Variants in CAMTA1 observed in about 807,000 individuals in gnomAD.
The protein encoded by CAMTA1 is calmodulin-binding transcription activator 1.
CAMTA1 carries 27 observed loss-of-function variants against 170.9 expected under a neutral mutation model. The ratio of observed to expected loss-of-function variants is 0.16; its 90% CI spans 0.12 to 0.22. The LOEUF (loss-of-function observed/expected upper bound fraction) is 0.22. Among genes scored for constraint, CAMTA1 ranks in the 10% least tolerant of loss-of-function variants. CAMTA1 has a pLI of 1.00. For missense variants in CAMTA1, 1,619 were observed against 2,217.2 expected (o/e 0.73, Z 5.42); for synonymous variants, 833 against 891.5 (o/e 0.93, Z 1.17).
intron 3 of CAMTA1, among the ~76,000 whole-genome samples, chr1:6,998,548 C>T (rs1022684415): frequency 2.0e-5 from 3 of 152,214 alleles, no homozygotes; most frequent in Non-Finnish European, 4.4e-5. Flanking sequence ...CCCAGGGAGA[C>T]CTGCCCTCAA....
At chr1:7,581,928 G>GT (rs1227093600) in intron 6 of CAMTA1, among the ~76,000 whole-genome samples, 1 of 152,198 alleles carries the variant, frequency 6.6e-6, no homozygotes, top group African/African-American at 2.4e-5. Flanking sequence ...CTGTTGTAGG[G>GT]TTTACACAAA....
In CAMTA1 at chr1:7,014,929, C is replaced by T. The variant is rs1453065445; in HGVS notation, c.235-76375C>T. Among the ~76,000 whole-genome samples the T allele has an allele frequency of 2.0e-5, 3 of 152,168 alleles. No homozygotes were observed. The highest frequency in any genetic ancestry group is 4.4e-5 in the Non-Finnish European group (3 of 68,030). On this transcript the variant is annotated intron_variant, in intron 3 of 22. Transcript: ENST00000303635. The surrounding 1 kb of genome is among the most constrained non-coding windows in gnomAD (Gnocchi z 4.2). Reference sequence around the variant, plus strand: ...TTTTTTGGAGGAAGAGCTTCTTTCACATTCCCTGACTCAAAAACCACAAGC... The same window carrying T: ...TTTTTTGGAGGAAGAGCTTCTTTCATATTCCCTGACTCAAAAACCACAAGC...
At chr1:6,844,508 CAAAAAAA>C (rs34365054) in intron 3 of CAMTA1, among the ~76,000 whole-genome samples, 7 of 96,542 alleles carry the variant, frequency 7.3e-5, no homozygotes, top group South Asian at 3.4e-4. Context: ...CATTGCATTA[CAAAAAAA>C]AAAAAAAAAA....
intron 4 of CAMTA1, among the ~76,000 whole-genome samples, chr1:7,135,464 C>A (rs960961876): frequency 5.9e-5 from 9 of 152,114 alleles, no homozygotes; most frequent in South Asian, 2.1e-4. Flanking sequence ...AACAATTATA[C>A]ACTGCTGGTA....
intron 6 of CAMTA1, among the ~76,000 whole-genome samples, chr1:7,536,922 G>A (rs139327250): frequency 3.7e-4 from 56 of 152,114 alleles, no homozygotes; most frequent in African/African-American, 1.3e-3. Context: ...TTGATCTCTC[G>A]TCCCCCTCCC....
chr1:7,543,503 T>C (rs140897264), intron 6 of CAMTA1, among the ~76,000 whole-genome samples: 308 of 152,324 alleles, frequency 2.0e-3, no homozygotes, highest in African/African-American at 7.2e-3. Flanking sequence ...CTCATTCTAT[T>C]TTTAGCATTC....
chr1:7,070,334 C>T (rs1190684379), intron 3 of CAMTA1, among the ~76,000 whole-genome samples: 1 of 152,228 alleles, frequency 6.6e-6, no homozygotes, highest in Non-Finnish European at 1.5e-5. Flanking sequence ...TATGCAGCAG[C>T]CACATCTGGG....
At position 7,640,570 on chromosome 1, in the gene CAMTA1, G is replaced by A. The variant is rs776836242; in HGVS notation, c.664+17G>A. 6 of 1,613,808 alleles carry A rather than the reference G, an allele frequency of 3.7e-6. No homozygotes were observed. Among genetic ancestry groups the A allele is most frequent in the Admixed American group, 1.7e-5 (1 of 60,002 alleles). On this transcript the variant is annotated intron_variant, in intron 7 of 22. Coordinates refer to ENST00000303635, the MANE Select transcript of CAMTA1 (RefSeq NM_015215.4). ...AACCCATGTGTGAGTGGCCTTGGCC[G>A]GCCTGGCGCCCCCACGCTGGGAACC...
At chr1:7,548,671 G>A (rs1575963731) in intron 6 of CAMTA1, among the ~76,000 whole-genome samples, 24 of 134,184 alleles carry the variant, frequency 1.8e-4, no homozygotes, top group Admixed American at 2.2e-4. Context: ...TAGGGGTGGA[G>A]ATGCCCATGG....
At chr1:7,005,444 G>A (rs1167617253) in intron 3 of CAMTA1, among the ~76,000 whole-genome samples, 1 of 152,150 alleles carries the variant, frequency 6.6e-6, no homozygotes, top group Non-Finnish European at 1.5e-5. Context: ...TTCTCCCCCT[G>A]CCTTTCCCTC....
At chr1:7,328,629 T>C (rs2082839305) in intron 5 of CAMTA1, among the ~76,000 whole-genome samples, 1 of 152,264 alleles carries the variant, frequency 6.6e-6, no homozygotes, top group Non-Finnish European at 1.5e-5. Context: ...CTCTATTTTA[T>C]ATGTTTCAAC....
chr1:7,020,109 A>G (rs1701134734), intron 3 of CAMTA1, among the ~76,000 whole-genome samples: 1 of 152,202 alleles, frequency 6.6e-6, no homozygotes, highest in African/African-American at 2.4e-5. Flanking sequence ...CTGCAGAAGA[A>G]CTTTCCATCT....
At position 7,309,461 on chromosome 1, in the gene CAMTA1, G is replaced by C. The variant is rs376330191; in HGVS notation, c.438+59835G>C. On this transcript the variant is annotated intron_variant, in intron 5 of 22. Transcript: ENST00000303635. ...ACTACAGGCGCCCGCCACTACGCCC[G>C]GCTAATTTTTTGTATTTTTAGTAGA... Among the ~76,000 whole-genome samples the C allele has an allele frequency of 2.6e-4, 40 of 151,402 alleles. 1 individual carries two copies. Among genetic ancestry groups the C allele is most frequent in the East Asian group, 1.6e-3 (8 of 5,132 alleles).
intron 4 of CAMTA1, among the ~76,000 whole-genome samples, chr1:7,108,417 G>A (rs961538187): frequency 7.9e-5 from 12 of 152,124 alleles, no homozygotes; most frequent in African/African-American, 2.2e-4. Flanking sequence ...GTTCCAAACC[G>A]CAGACCCAGA....
Position 6,820,215 on chromosome 1 carries a change from C to T in CAMTA1, c.80C>T (p.Thr27Ile). The T allele has an allele frequency of 6.2e-7, 1 of 1,612,734 alleles. No individual in the cohort carries two copies. Among genetic ancestry groups the T allele is most frequent in the Non-Finnish European group, 8.5e-7 (1 of 1,178,748 alleles). ...VSQSVFCGTS[T>I]YCVLNTVPPI... ...CAAAGTGTATTCTGCGGAACTAGCA[C>T]CTACTGTGTTCTCAACACCGTGCCA... Residue 27 changes from threonine (T) to isoleucine (I), a missense_variant, in exon 2 of 23, where the codon ACC becomes ATC. Thr to Ile is a moderately conservative substitution (Grantham distance 89). Around this residue, in one of 8 missense-constraint regions of CAMTA1, gnomAD observed 61 missense variants for 57.7 expected, o/e 1.06. Coordinates refer to ENST00000303635, the MANE Select transcript of CAMTA1 (RefSeq NM_015215.4).
At chr1:7,317,719 A>C (rs1677738179) in intron 5 of CAMTA1, among the ~76,000 whole-genome samples, 1 of 152,202 alleles carries the variant, frequency 6.6e-6, no homozygotes, top group Non-Finnish European at 1.5e-5. Flanking sequence ...GTCGGTGACC[A>C]GTCAACTGGC....
At chr1:7,292,758 C>T (rs555694343) in intron 5 of CAMTA1, among the ~76,000 whole-genome samples, 1 of 152,310 alleles carries the variant, frequency 6.6e-6, no homozygotes, top group South Asian at 2.1e-4. Context: ...TCTGCACCCA[C>T]GGACCACTCA....
chr1:7,323,841 C>A (rs1678869936), intron 5 of CAMTA1, among the ~76,000 whole-genome samples: 1 of 152,122 alleles, frequency 6.6e-6, no homozygotes, highest in Non-Finnish European at 1.5e-5. Flanking sequence ...GAAGGAAGGA[C>A]ACATTTATTA....
At chr1:7,303,610 A>G (rs931706258) in intron 5 of CAMTA1, among the ~76,000 whole-genome samples, 5 of 152,226 alleles carry the variant, frequency 3.3e-5, no homozygotes, top group Admixed American at 3.3e-4. Context: ...CAGCTGCTAG[A>G]ACCCAGTGTT....
Sources: allele counts gnomAD v4.1 joint callset (sites outside exome capture counted in the v4.1 genomes callset), GRCh38; gene constraint gnomAD v4.1.1; regional missense constraint gnomAD v4.1.1; non-coding constraint Gnocchi (gnomAD v3.1); transcripts MANE v1.5; gene names NCBI Gene and HGNC (gene_info 2026-07-23, HGNC 2026-07-21).